The following PIP4K2A variants were observed in gnomAD, a reference collection of about 807,000 sequenced individuals.
PIP4K2A encodes the protein phosphatidylinositol-5-phosphate 4-kinase type 2 alpha.
A neutral mutation model predicts 42.9 loss-of-function variants in PIP4K2A; 14 were observed. That is an observed-to-expected ratio of 0.33 (90% CI 0.22 to 0.51). PIP4K2A has a LOEUF of 0.51. Ranked by LOEUF, PIP4K2A falls within the 20% of genes least tolerant of loss-of-function variation. The pLI, the probability that PIP4K2A is intolerant of heterozygous loss-of-function variation, is 0.97. For missense variants in PIP4K2A, 434 were observed against 519.8 expected (o/e 0.83, Z 1.61); for synonymous variants, 192 against 192.2 (o/e 1.00, Z 0.01).
chr10:22,578,689 G>A (rs1265868613), intron 4 of PIP4K2A, among the ~76,000 whole-genome samples: 3 of 151,756 alleles, frequency 2.0e-5, no homozygotes, highest in Admixed American at 6.6e-5. Context: ...CCAAACTTAT[G>A]ATTCTCAGTC....
intron 1 of PIP4K2A, among the ~76,000 whole-genome samples, chr10:22,676,152 G>C (rs1839553594): frequency 6.6e-6 from 1 of 151,946 alleles, no homozygotes; most frequent in Admixed American, 6.6e-5. Flanking sequence ...TGTTTCCATT[G>C]ACAGCAGAGG....
At chr10:22,579,416 A>T (rs559270981) in intron 4 of PIP4K2A, among the ~76,000 whole-genome samples, 1 of 152,228 alleles carries the variant, frequency 6.6e-6, no homozygotes. Context: ...TCAACTTCCC[A>T]AAGTTTGTAT....
chr10:22,574,202 C>T (rs1399223634), intron 4 of PIP4K2A, among the ~76,000 whole-genome samples: 2 of 150,468 alleles, frequency 1.3e-5, no homozygotes, highest in African/African-American at 4.9e-5. Flanking sequence ...TAAAACGGGT[C>T]CCTCTGCACT....
At chr10:22,555,680 A>C (rs1354841783) in intron 6 of PIP4K2A, among the ~76,000 whole-genome samples, 1 of 152,184 alleles carries the variant, frequency 6.6e-6, no homozygotes, top group African/African-American at 2.4e-5. Flanking sequence ...AGTGCCTGGC[A>C]ATAGTAACTT....
At chr10:22,705,771 C>T (rs946991641) in intron 1 of PIP4K2A, among the ~76,000 whole-genome samples, 5 of 152,002 alleles carry the variant, frequency 3.3e-5, no homozygotes, top group Admixed American at 6.6e-5. Context: ...TCACATTCTC[C>T]GCTCTGCTTG....
rs1338810907 is a variant in PIP4K2A, at chr10:22,633,067, G to GA, written c.145-23351dup. ...TCCCATGTAACCACCTTAACCCTGT[G>GA]AAATGGGCACAACTATTACACAGCC... On this transcript the variant is annotated intron_variant, in intron 1 of 9. Transcript: ENST00000376573. Among the ~76,000 whole-genome samples the GA allele has an allele frequency of 2.6e-5, 4 of 152,126 alleles. No homozygotes were observed. In the East Asian group the frequency reaches 7.7e-4, roughly 29 times the overall value.
chr10:22,711,193 G>A (rs564277338), intron 1 of PIP4K2A, among the ~76,000 whole-genome samples: 3 of 152,152 alleles, frequency 2.0e-5, no homozygotes, highest in Admixed American at 6.5e-5. Context: ...GCTTACTCCC[G>A]ACTATGACCA....
At chr10:22,538,457 C>T (rs953655338) in intron 9 of PIP4K2A, among the ~76,000 whole-genome samples, 1 of 152,120 alleles carries the variant, frequency 6.6e-6, no homozygotes, top group Non-Finnish European at 1.5e-5. Flanking sequence ...CCAGACAACT[C>T]TTGTATCTCT....
chr10:22,559,982 T>C (rs1836645031), intron 6 of PIP4K2A, among the ~76,000 whole-genome samples: 1 of 152,170 alleles, frequency 6.6e-6, no homozygotes, highest in East Asian at 1.9e-4. Flanking sequence ...ATCTCCCTTT[T>C]ATAAAATGTC....
At chr10:22,588,373 G>A (rs979252270) in intron 4 of PIP4K2A, among the ~76,000 whole-genome samples, 1 of 151,148 alleles carries the variant, frequency 6.6e-6, no homozygotes, top group South Asian at 2.1e-4. Context: ...CCCTGTGTCC[G>A]CTCTGTGGGG....
intron 1 of PIP4K2A, among the ~76,000 whole-genome samples, chr10:22,671,387 T>TTAA (rs2130859936): frequency 6.6e-6 from 1 of 152,310 alleles, no homozygotes; most frequent in South Asian, 2.1e-4. Context: ...AGCTGGCACT[T>TTAA]ATTAATGACT....
chr10:22,685,329 A>G (rs908157068), intron 1 of PIP4K2A, among the ~76,000 whole-genome samples: 1 of 152,188 alleles, frequency 6.6e-6, no homozygotes, highest in Non-Finnish European at 1.5e-5. Flanking sequence ...AAATTTCAGA[A>G]GAGAGGCGAA....
intron 1 of PIP4K2A, among the ~76,000 whole-genome samples, chr10:22,640,724 C>G (rs1057443631): frequency 6.6e-6 from 1 of 152,136 alleles, no homozygotes; most frequent in African/African-American, 2.4e-5. Context: ...GGAATCTAAA[C>G]GGGGTGATTG....
At chr10:22,538,811 G>T (rs1836007413) in intron 9 of PIP4K2A, among the ~76,000 whole-genome samples, 1 of 152,214 alleles carries the variant, frequency 6.6e-6, no homozygotes, top group South Asian at 2.1e-4. Context: ...GGGCGGTGAG[G>T]TCCCAGTCTG....
intron 1 of PIP4K2A, among the ~76,000 whole-genome samples, chr10:22,656,318 CTG>C (rs1839100613): frequency 6.6e-6 from 1 of 152,148 alleles, no homozygotes; most frequent in Admixed American, 6.5e-5. Flanking sequence ...GAGAGGGGAA[CTG>C]TGCCTAAAAA....
At chr10:22,660,647 T>C (rs1839189630) in intron 1 of PIP4K2A, among the ~76,000 whole-genome samples, 1 of 152,148 alleles carries the variant, frequency 6.6e-6, no homozygotes, top group South Asian at 2.1e-4. Context: ...ATGAGATTTA[T>C]ACCTTGATTC....
intron 8 of PIP4K2A, 148 bp from the exon 9 acceptor site, chr10:22,540,222 A>C: frequency 1.6e-6 from 1 of 631,564 alleles, no homozygotes; most frequent in Admixed American, 2.5e-5. Context: ...CAAACTCTAC[A>C]CCACCCCTGC....
intron 9 of PIP4K2A, among the ~76,000 whole-genome samples, chr10:22,538,855 G>A (rs1414410832): frequency 6.6e-6 from 1 of 152,210 alleles, no homozygotes; most frequent in Non-Finnish European, 1.5e-5. Context: ...CATAGCTATC[G>A]ACAATGTGAC....
At chr10:22,703,926 T>C (rs1833761992) in intron 1 of PIP4K2A, among the ~76,000 whole-genome samples, 1 of 152,130 alleles carries the variant, frequency 6.6e-6, no homozygotes, top group South Asian at 2.1e-4. Context: ...TCTATGGTGG[T>C]CCATTTTCTG....
Sources: allele counts gnomAD v4.1 joint callset (sites outside exome capture counted in the v4.1 genomes callset), GRCh38; gene constraint gnomAD v4.1.1; transcripts MANE v1.5; gene names NCBI Gene and HGNC (gene_info 2026-07-23, HGNC 2026-07-21).